FGF10: variants seen among roughly 807,000 people sequenced by gnomAD.
The protein encoded by FGF10 is fibroblast growth factor 10.
In FGF10, 2 loss-of-function variants were observed where a neutral mutation model predicts 19.8. The observed-to-expected ratio is 0.10, with a 90% CI of 0.04 to 0.32. The LOEUF (loss-of-function observed/expected upper bound fraction) is 0.32. Ranked by LOEUF, FGF10 falls within the 10% of genes least tolerant of loss-of-function variation. FGF10 has a pLI of 1.00. For synonymous variants in FGF10, 112 were observed against 94.0 expected (o/e 1.19, Z -1.10); for missense variants, 191 against 246.3 (o/e 0.78, Z 1.50).
chr5:44,354,408 C>G (rs557966595), intron 1 of FGF10, among the ~76,000 whole-genome samples: 1 of 151,572 alleles, frequency 6.6e-6, no homozygotes, highest in African/African-American at 2.4e-5. Context: ...AGTTAATACT[C>G]TGTTATATCT....
chr5:44,386,257 G>T (rs746501645), intron 1 of FGF10, among the ~76,000 whole-genome samples: 2 of 152,102 alleles, frequency 1.3e-5, no homozygotes, highest in East Asian at 1.9e-4. Context: ...AGCAATTTAG[G>T]TTGTGTAAAC....
intron 1 of FGF10, among the ~76,000 whole-genome samples, chr5:44,372,873 G>C (rs1741773082): frequency 1.3e-5 from 2 of 152,318 alleles, no homozygotes; most frequent in African/African-American, 2.4e-5. Context: ...ATCAGCCTCT[G>C]TGACTTGAGG....
At chr5:44,330,526 GAT>G (rs1740708338) in intron 1 of FGF10, among the ~76,000 whole-genome samples, 2 of 152,262 alleles carry the variant, frequency 1.3e-5, no homozygotes, top group South Asian at 4.1e-4. Context: ...GCATATTTGA[GAT>G]ATAAACATGA....
chr5:44,327,107 GT>G (rs1422442963), intron 1 of FGF10, among the ~76,000 whole-genome samples: 1 of 152,108 alleles, frequency 6.6e-6, no homozygotes, highest in African/African-American at 2.4e-5. Flanking sequence ...CTTCAGCGTG[GT>G]TTCCAGCCTG....
chr5:44,370,158 T>C (rs1741711966), intron 1 of FGF10, among the ~76,000 whole-genome samples: 1 of 152,142 alleles, frequency 6.6e-6, no homozygotes, highest in African/African-American at 2.4e-5. Context: ...CTGCCTGTTA[T>C]TACTACCTAT....
intron 1 of FGF10, among the ~76,000 whole-genome samples, chr5:44,350,341 A>G (rs1356829664): frequency 6.6e-6 from 1 of 151,050 alleles, no homozygotes; most frequent in Non-Finnish European, 1.5e-5. Flanking sequence ...TACTGTATAC[A>G]GTATGATGTC....
intron 1 of FGF10, among the ~76,000 whole-genome samples, chr5:44,357,372 A>G (rs771706470): frequency 7.9e-5 from 12 of 151,354 alleles, no homozygotes; most frequent in Non-Finnish European, 1.5e-4. Flanking sequence ...TTTTTTTCTT[A>G]TTAGTTTATA....
intron 1 of FGF10, among the ~76,000 whole-genome samples, chr5:44,347,958 G>A (rs1741125050): frequency 6.6e-6 from 1 of 151,470 alleles, no homozygotes; most frequent in Admixed American, 6.6e-5. Flanking sequence ...ATTTAATTTA[G>A]AAGGTCAGTA....
intron 1 of FGF10, among the ~76,000 whole-genome samples, chr5:44,341,488 T>A (rs534075948): frequency 6.9e-6 from 1 of 145,960 alleles, no homozygotes; most frequent in Non-Finnish European, 1.5e-5. Flanking sequence ...TTCACTGCCT[T>A]GTTATTAAAA....
At chr5:44,347,186 T>C (rs17234205) in intron 1 of FGF10, among the ~76,000 whole-genome samples, 55 of 151,662 alleles carry the variant, frequency 3.6e-4, no homozygotes, top group Non-Finnish European at 5.6e-4. Context: ...TAAGCATGAG[T>C]CATAATATCT....
At chr5:44,324,864 C>G (rs1740574339) in intron 1 of FGF10, among the ~76,000 whole-genome samples, 2 of 152,094 alleles carry the variant, frequency 1.3e-5, no homozygotes, top group African/African-American at 4.8e-5. Context: ...TAAGCAACAT[C>G]CAACAGTTTC....
chr5:44,332,768 G>T (rs567733470), intron 1 of FGF10, among the ~76,000 whole-genome samples: 1 of 152,186 alleles, frequency 6.6e-6, no homozygotes, highest in East Asian at 1.9e-4. Context: ...ATTACTTTAA[G>T]TAAGGAAGGA....
intron 1 of FGF10, among the ~76,000 whole-genome samples, chr5:44,355,537 C>T (rs989332063): frequency 2.4e-4 from 36 of 150,694 alleles, no homozygotes; most frequent in African/African-American, 7.8e-4. Flanking sequence ...TTAAATGGTA[C>T]CATTTACTAA....
At chr5:44,338,848 G>T (rs1242117661) in intron 1 of FGF10, among the ~76,000 whole-genome samples, 2 of 152,196 alleles carry the variant, frequency 1.3e-5, no homozygotes, top group African/African-American at 2.4e-5. Context: ...AGCGAGGAAT[G>T]TAAGAAGATA....
intron 1 of FGF10, among the ~76,000 whole-genome samples, chr5:44,356,620 T>A (rs1020052560): frequency 1.3e-5 from 2 of 151,444 alleles, no homozygotes; most frequent in African/African-American, 4.8e-5. Flanking sequence ...TGACTATGTT[T>A]CTCAAGGCAG....
At chr5:44,316,987 T>C (rs374836392) in intron 1 of FGF10, among the ~76,000 whole-genome samples, 7 of 152,172 alleles carry the variant, frequency 4.6e-5, no homozygotes, top group African/African-American at 1.7e-4. Context: ...TATATGCACA[T>C]GGTCAAGAAA....
intron 1 of FGF10, among the ~76,000 whole-genome samples, chr5:44,367,763 G>A (rs2111875064): frequency 6.6e-6 from 1 of 151,400 alleles, no homozygotes; most frequent in Admixed American, 6.6e-5. Context: ...TCTAAAACCA[G>A]GAGCTAGATA....
intron 1 of FGF10, among the ~76,000 whole-genome samples, chr5:44,363,282 T>G (rs966466987): frequency 6.6e-6 from 1 of 151,760 alleles, no homozygotes; most frequent in Non-Finnish European, 1.5e-5. Flanking sequence ...CACTGGTAAA[T>G]CTCAATTAAA....
At chr5:44,310,358 G>C in intron 2 of FGF10, 69 bp downstream of exon 2, 1 of 1,048,918 alleles carries the variant, frequency 9.5e-7, no homozygotes, top group Non-Finnish European at 1.5e-6. Context: ...TCGGTGTCTG[G>C]AGGAAACTTT....
Sources: allele counts gnomAD v4.1 joint callset (sites outside exome capture counted in the v4.1 genomes callset), GRCh38; gene constraint gnomAD v4.1.1; transcripts MANE v1.5; gene names NCBI Gene and HGNC (gene_info 2026-07-23, HGNC 2026-07-21).